TBC1D1: variants seen among roughly 807,000 people sequenced by gnomAD.
TBC1D1 encodes TBC1 domain family member 1.
TBC1D1 carries 89 observed loss-of-function variants against 125.6 expected under a neutral mutation model. The observed-to-expected ratio is 0.71, with a 90% confidence interval of 0.60 to 0.85. The LOEUF (loss-of-function observed/expected upper bound fraction) is 0.85, where lower values mean the gene tolerates loss of function less well. Among genes scored for constraint, TBC1D1 ranks in the 40% least tolerant of loss-of-function variants. The pLI is 0.00. For missense variants in TBC1D1, 1,377 were observed against 1,469.2 expected (o/e 0.94, Z 1.03); for synonymous variants, 565 against 564.1 (o/e 1.00, Z -0.02).
At chr4:38,108,471 T>C (rs1190260624) in intron 15 of TBC1D1, among the ~76,000 whole-genome samples, 1 of 152,220 alleles carries the variant, frequency 6.6e-6, no homozygotes, top group Non-Finnish European at 1.5e-5. Flanking sequence ...ATCTGCATAT[T>C]ATAGGTCAGT....
chr4:38,117,947 C>CT, intron 16 of TBC1D1, 86 bp from the exon 19 acceptor site: 1 of 1,266,834 alleles, frequency 7.9e-7, no homozygotes, highest in Non-Finnish European at 1.1e-6. Flanking sequence ...TAAGTCTTCT[C>CT]TTACACCCAC....
chr4:38,018,639 T>C (rs1010814681), intron 4 of TBC1D1, among the ~76,000 whole-genome samples, 196 bp downstream of exon 4: 1 of 152,194 alleles, frequency 6.6e-6, no homozygotes, highest in Non-Finnish European at 1.5e-5. Flanking sequence ...ATTAAGAAAT[T>C]TGCTCTTAGC....
intron 6 of TBC1D1, among the ~76,000 whole-genome samples, chr4:38,026,503 T>G (rs1560644148): frequency 6.6e-6 from 1 of 152,228 alleles, no homozygotes; most frequent in Non-Finnish European, 1.5e-5. Flanking sequence ...TCCGTAGTGA[T>G]GTAGGTGCCT....
At chr4:37,907,674 A>G (rs1717624466) in intron 2 of TBC1D1, among the ~76,000 whole-genome samples, 1 of 152,232 alleles carries the variant, frequency 6.6e-6, no homozygotes, top group Non-Finnish European at 1.5e-5. Flanking sequence ...GTAAATGGAC[A>G]TATCCACTCT....
chr4:37,925,701 A>AG (rs1721961132), intron 2 of TBC1D1, among the ~76,000 whole-genome samples: 1 of 150,282 alleles, frequency 6.7e-6, no homozygotes, highest in Non-Finnish European at 1.5e-5. Flanking sequence ...AAAAAAAGAG[A>AG]GAAAAAAAGA....
At position 37,981,310 on chromosome 4, in the gene TBC1D1, G is replaced by A. The variant is rs560816185; in HGVS notation, c.418-33199G>A. Among the ~76,000 whole-genome samples the A allele has an allele frequency of 1.4e-4, 22 of 152,250 alleles. No individual in the cohort carries two copies. The South Asian group carries it at 3.3e-3, about 23-fold the overall frequency. The stretch of plus-strand genomic sequence containing the variant: ...TATTTTATGTAAAACCAGGTTTTCC[G>A]TATTTGGGCATTACTTTTAAAACAT... On this transcript the variant is annotated intron_variant, in intron 2 of 19. Transcript: ENST00000261439.
chr4:38,071,373 G>A lies in TBC1D1; in HGVS notation c.2050+17035G>A, dbSNP rs111995681. ...CAGTTTGTTATATTTATAGTTTCAG[G>A]AATAGTTTGGGAATGGATTTAATAA... On this transcript the variant is annotated intron_variant, in intron 12 of 19. Coordinates refer to ENST00000261439, the MANE Select transcript of TBC1D1 (RefSeq NM_015173.4). Among the ~76,000 whole-genome samples, 876 of 152,212 alleles carry A rather than the reference G, an allele frequency of 5.8e-3. 7 individuals are homozygous for A. The highest frequency in any genetic ancestry group is 9.4e-3 in the Non-Finnish European group (642 of 68,010).
chr4:37,996,420 C>T (rs1168983183), intron 2 of TBC1D1, among the ~76,000 whole-genome samples: 1 of 152,196 alleles, frequency 6.6e-6, no homozygotes, highest in East Asian at 1.9e-4. Flanking sequence ...TTTTAACTAA[C>T]ATCCTTTATT....
chr4:37,893,492 T>C (rs572668213), intron 1 of TBC1D1, among the ~76,000 whole-genome samples: 93 of 152,340 alleles, frequency 6.1e-4, no homozygotes, highest in Non-Finnish European at 1.1e-3. Flanking sequence ...TCTTGGTCAT[T>C]AAACTTGAGA....
At position 38,093,611 on chromosome 4, in the gene TBC1D1, G is replaced by A. The variant is rs556360120; in HGVS notation, c.2237-2318G>A. Among the ~76,000 whole-genome samples the A allele has an allele frequency of 1.2e-4, 18 of 147,006 alleles. No individual in the cohort carries two copies. The East Asian group carries it at 2.7e-3, about 22-fold the overall frequency. ...ACAATCTCGGCTCACTGCAACCTCC[G>A]CCTCCTGGGTTCAAGCGATTCTCCT... On this transcript the variant is annotated intron_variant, in intron 13 of 19. Coordinates refer to ENST00000261439, the MANE Select transcript of TBC1D1 (RefSeq NM_015173.4).
intron 12 of TBC1D1, among the ~76,000 whole-genome samples, chr4:38,063,594 A>G (rs1753145013): frequency 6.6e-6 from 1 of 152,192 alleles, no homozygotes; most frequent in African/African-American, 2.4e-5. Context: ...TGGTATATCC[A>G]CAGAGTTGTG....
At chr4:38,112,905 G>A (rs626099) in intron 15 of TBC1D1, among the ~76,000 whole-genome samples, 40,740 of 151,990 alleles carry the variant, frequency 0.27, 5,943 homozygotes, top group East Asian at 0.36. Flanking sequence ...AACCTTTCTC[G>A]AGAAGTGCTT....
chr4:38,045,749 T>C, intron 9 of TBC1D1, 68 bp from the exon 10 acceptor site: 5 of 1,161,036 alleles, frequency 4.3e-6, no homozygotes, highest in Non-Finnish European at 6.5e-6. Flanking sequence ...AATGGACCAA[T>C]CTGCTTCTAG....
intron 17 of TBC1D1, among the ~76,000 whole-genome samples, chr4:38,124,446 T>C (rs1238008474): frequency 6.6e-6 from 1 of 152,262 alleles, no homozygotes; most frequent in African/African-American, 2.4e-5. Context: ...TCCATTATCA[T>C]GTTAAAAATC....
rs753039866 is a variant in TBC1D1, at chr4:38,103,084, G to A, written c.2484G>A (p.Gln828=). Residue 828 remains glutamine (Q), a synonymous_variant, in exon 15 of 20, where the codon CAG becomes CAA. Coordinates refer to ENST00000261439, the MANE Select transcript of TBC1D1 (RefSeq NM_015173.4). ...AACACCAGTTTCCCAGCAAACAGCA[G>A]CCAAAGGATGTGCCATACAAAGAAC... The A allele has an allele frequency of 5.6e-6, 9 of 1,614,172 alleles. No individual in the cohort carries two copies. The highest frequency in any genetic ancestry group is 1.6e-4 in the Middle Eastern group (1 of 6,062).
At chr4:38,103,495 A>G (rs566788329) in intron 15 of TBC1D1, among the ~76,000 whole-genome samples, 23 of 152,308 alleles carry the variant, frequency 1.5e-4, no homozygotes, top group Admixed American at 5.9e-4. Context: ...AAACGTATAG[A>G]TGTTCAGAAC....
chr4:37,993,747 A>G (rs1457022064), intron 2 of TBC1D1, among the ~76,000 whole-genome samples: 1 of 152,064 alleles, frequency 6.6e-6, no homozygotes, highest in Admixed American at 6.5e-5. Flanking sequence ...GTACCCAGCT[A>G]ATTTTTGTAT....
intron 8 of TBC1D1, among the ~76,000 whole-genome samples, chr4:38,041,354 G>A (rs1748334014): frequency 6.6e-6 from 1 of 152,182 alleles, no homozygotes; most frequent in Non-Finnish European, 1.5e-5. Context: ...TTCCTATACT[G>A]ATACTGGGAA....
At chr4:37,986,533 C>T (rs546236573) in intron 2 of TBC1D1, among the ~76,000 whole-genome samples, 1 of 152,268 alleles carries the variant, frequency 6.6e-6, no homozygotes, top group South Asian at 2.1e-4. Flanking sequence ...GCAACCTCTG[C>T]CTTCCGGGGT....
Sources: allele counts gnomAD v4.1 joint callset (sites outside exome capture counted in the v4.1 genomes callset), GRCh38; gene constraint gnomAD v4.1.1; transcripts MANE v1.5; gene names NCBI Gene and HGNC (gene_info 2026-07-23, HGNC 2026-07-21).